PDS5A: variants seen among roughly 807,000 people sequenced by gnomAD.
PDS5A encodes the protein PDS5 cohesin associated factor A, also known as sister chromatid cohesion protein PDS5 homolog A.
In PDS5A, 42 loss-of-function variants were observed where a neutral mutation model predicts 167.1. The ratio of observed to expected loss-of-function variants is 0.25; its 90% CI spans 0.20 to 0.33. The LOEUF is 0.33. Ranked by LOEUF, PDS5A falls within the 10% of genes least tolerant of loss-of-function variation. The pLI is 1.00. For missense variants in PDS5A, 1,033 were observed against 1,605.9 expected (o/e 0.64, Z 6.10); for synonymous variants, 553 against 554.6 (o/e 1.00, Z 0.04).
At chr4:39,899,010 G>C (rs1259268767) in intron 14 of PDS5A, among the ~76,000 whole-genome samples, 185 bp from the exon 15 acceptor site, 1 of 152,116 alleles carries the variant, frequency 6.6e-6, no homozygotes, top group East Asian at 1.9e-4. Flanking sequence ...GAATTACATA[G>C]TAGCAACTAT....
rs1045520418 is a variant in PDS5A, at chr4:39,841,674, G to A, written c.3657+274C>T. The stretch of plus-strand genomic sequence containing the variant: ...ATTTTGGTGCCAACCACCACGCCCC[G>A]GTAATTTTTTTATTTTTAGTAGAGA... On this transcript the variant is annotated intron_variant, in intron 31 of 32. Transcript: ENST00000303538. Among the ~76,000 whole-genome samples, 11 of 151,982 alleles carry A rather than the reference G, an allele frequency of 7.2e-5. 1 individual carries two copies. Among genetic ancestry groups the A allele is most frequent in the African/African-American group, 1.9e-4 (8 of 41,360 alleles).
chr4:39,955,675 T>C (rs1312282185), intron 2 of PDS5A, among the ~76,000 whole-genome samples: 1 of 151,832 alleles, frequency 6.6e-6, no homozygotes, highest in East Asian at 1.9e-4. Context: ...GTGGGAGGCA[T>C]GTGTGACTGG....
At position 39,928,033 on chromosome 4, in the gene PDS5A, T is replaced by C. The variant is rs745759348; in HGVS notation, c.270A>G (p.Val90=). 15 of 1,613,892 alleles carry C rather than the reference T, an allele frequency of 9.3e-6. No individual in the cohort carries two copies. In the South Asian group the frequency reaches 1.6e-4, roughly 18 times the overall value. ...RNPNKDVRLL[V]ACCLADIFRI... ...GAAAGATATCAGCCAAACAACATGC[T>C]ACAAGGAGACGCACATCTTTATTGG... Residue 90 remains valine, a synonymous_variant, in exon 3 of 33, where the codon GTA becomes GTG. Transcript: ENST00000303538.
intron 5 of PDS5A, among the ~76,000 whole-genome samples, chr4:39,923,730 T>C (rs1027897701): frequency 6.6e-6 from 1 of 151,604 alleles, no homozygotes; most frequent in Non-Finnish European, 1.5e-5. Context: ...TTAAAGGTGA[T>C]AAAATTTTAA....
At chr4:39,844,876 A>C in intron 29 of PDS5A, 75 bp from the exon 30 acceptor site, 1 of 1,434,268 alleles carries the variant, frequency 7.0e-7, no homozygotes, top group Non-Finnish European at 9.3e-7. Context: ...AAATTTAGAC[A>C]CAAGTAAGAG....
intron 2 of PDS5A, among the ~76,000 whole-genome samples, chr4:39,954,676 A>T (rs1158056697): frequency 9.5e-4 from 142 of 149,716 alleles, no homozygotes; most frequent in South Asian, 4.6e-3. Context: ...TAAGTAAAAA[A>T]AAAAAAAAAA....
intron 2 of PDS5A, among the ~76,000 whole-genome samples, chr4:39,931,220 G>A (rs1466922219): frequency 6.6e-6 from 1 of 150,990 alleles, no homozygotes; most frequent in Non-Finnish European, 1.5e-5. Context: ...CCCCTGAGCA[G>A]CTGATACTAC....
intron 17 of PDS5A, among the ~76,000 whole-genome samples, chr4:39,883,050 G>T (rs567694157): frequency 6.6e-6 from 1 of 152,202 alleles, no homozygotes; most frequent in Non-Finnish European, 1.5e-5. Flanking sequence ...CCTCTAATTT[G>T]TGTGTATTAT....
At chr4:39,886,242 A>T (rs971387650) in intron 17 of PDS5A, among the ~76,000 whole-genome samples, 2 of 152,220 alleles carry the variant, frequency 1.3e-5, no homozygotes, top group Admixed American at 1.3e-4. Context: ...AAAGTCAGGT[A>T]GTTTGATGGC....
chr4:39,950,666 C>A (rs531765332), intron 2 of PDS5A, among the ~76,000 whole-genome samples: 11 of 152,272 alleles, frequency 7.2e-5, no homozygotes, highest in African/African-American at 2.4e-4. Context: ...CTCACTGCAA[C>A]CTCTACCAGG....
chr4:39,948,312 C>CTTTTTT (rs552182165), intron 2 of PDS5A, among the ~76,000 whole-genome samples: 8 of 80,930 alleles, frequency 9.9e-5, no homozygotes, highest in African/African-American at 2.1e-4. Context: ...TGAATCAAAC[C>CTTTTTT]TTTTTTTTTT....
chr4:39,898,910 C>G, intron 14 of PDS5A, 85 bp from the exon 15 acceptor site: 1 of 821,670 alleles, frequency 1.2e-6, no homozygotes. Flanking sequence ...CATTACTGTA[C>G]ATTTTTCATG....
chr4:39,901,517 G>A (rs1722886982), intron 13 of PDS5A, among the ~76,000 whole-genome samples: 1 of 152,064 alleles, frequency 6.6e-6, no homozygotes, highest in South Asian at 2.1e-4. Flanking sequence ...TTATCTGCCT[G>A]CCCTGGCCTC....
chr4:39,921,148 G>C (rs926652189), intron 6 of PDS5A, among the ~76,000 whole-genome samples: 1 of 152,090 alleles, frequency 6.6e-6, no homozygotes, highest in Non-Finnish European at 1.5e-5. Context: ...TTTCTATGAA[G>C]GGCCACATGG....
At chr4:39,899,369 G>C (rs977422481) in intron 14 of PDS5A, among the ~76,000 whole-genome samples, 1 of 152,014 alleles carries the variant, frequency 6.6e-6, no homozygotes, top group Non-Finnish European at 1.5e-5. Context: ...GAATAATTTA[G>C]TTCAAAAGTT....
At chr4:39,935,590 C>T (rs1008571718) in intron 2 of PDS5A, among the ~76,000 whole-genome samples, 2 of 151,992 alleles carry the variant, frequency 1.3e-5, no homozygotes, top group South Asian at 4.2e-4. Context: ...ACTGCTATAC[C>T]ATGTAGGCCT....
intron 16 of PDS5A, among the ~76,000 whole-genome samples, chr4:39,894,804 T>C (rs1334220960): frequency 6.6e-6 from 1 of 152,182 alleles, no homozygotes; most frequent in Non-Finnish European, 1.5e-5. Context: ...ATGTCTAACA[T>C]TGTGAGAAGG....
At chr4:39,954,673 A>ATT (rs1161433816) in intron 2 of PDS5A, among the ~76,000 whole-genome samples, 1 of 121,954 alleles carries the variant, frequency 8.2e-6, no homozygotes, top group Admixed American at 8.5e-5. Flanking sequence ...AGATAAGTAA[A>ATT]AAAAAAAAAA....
intron 11 of PDS5A, 48 bp downstream of exon 11, chr4:39,908,347 G>C (rs1411421003): frequency 1.4e-6 from 2 of 1,399,826 alleles, no homozygotes; most frequent in Admixed American, 1.8e-5. Context: ...ATTGTATTTA[G>C]CAATTTAAAC....
Sources: allele counts gnomAD v4.1 joint callset (sites outside exome capture counted in the v4.1 genomes callset), GRCh38; gene constraint gnomAD v4.1.1; transcripts MANE v1.5; gene names NCBI Gene and HGNC (gene_info 2026-07-23, HGNC 2026-07-21).